The following MB21D2 variants were observed in gnomAD, a reference collection of about 807,000 sequenced individuals.
The protein encoded by MB21D2 is nucleotidyltransferase MB21D2.
MB21D2 carries 9 observed loss-of-function variants against 33.3 expected under a neutral mutation model. That is an observed-to-expected ratio of 0.27 (90% CI 0.16 to 0.47). MB21D2 has a LOEUF of 0.47. MB21D2 is among the 20% of genes least tolerant of loss of function. The pLI is 0.99. For missense variants in MB21D2, 540 were observed against 624.6 expected (o/e 0.86, Z 1.44); for synonymous variants, 241 against 236.3 (o/e 1.02, Z -0.18).
rs76218803 is a variant in MB21D2, at chr3:192,911,240, GT to G, written c.211+6389del. Among the ~76,000 whole-genome samples, 662 of 145,804 alleles carry G rather than the reference GT, an allele frequency of 4.5e-3. 2 individuals are homozygous for G. The highest frequency in any genetic ancestry group is 0.015 in the East Asian group (74 of 5,016). On this transcript the variant is annotated intron_variant, in intron 1 of 1. Coordinates refer to ENST00000392452, the MANE Select transcript of MB21D2 (RefSeq NM_178496.4). ...TTTTCTAATTCTAGGGTTCACCACA[GT>G]TTTTTTTTTTTAACCTCAAAGTGTA...
chr3:192,881,708 G>A (rs1234964800), intron 1 of MB21D2, among the ~76,000 whole-genome samples: 2 of 152,126 alleles, frequency 1.3e-5, no homozygotes. Context: ...AAGAAAGGAA[G>A]GCTTCTGGAG....
chr3:192,868,771 C>A (rs920085617), intron 1 of MB21D2, among the ~76,000 whole-genome samples: 5 of 152,112 alleles, frequency 3.3e-5, no homozygotes, highest in African/African-American at 1.2e-4. Context: ...TCTGTAAGTG[C>A]AACTCTTTCA....
At chr3:192,896,568 G>C (rs1366354415) in intron 1 of MB21D2, among the ~76,000 whole-genome samples, 2 of 152,112 alleles carry the variant, frequency 1.3e-5, no homozygotes, top group Non-Finnish European at 2.9e-5. Flanking sequence ...CTCCCTTCCA[G>C]ATCCACAAGG....
chr3:192,893,461 T>C (rs1392475284), intron 1 of MB21D2, among the ~76,000 whole-genome samples: 2 of 152,080 alleles, frequency 1.3e-5, no homozygotes, highest in East Asian at 3.9e-4. Context: ...ATTTCCTCAA[T>C]TTATAGTTGG....
chr3:192,845,288 G>C lies in MB21D2; in HGVS notation c.212-45638C>G, dbSNP rs76054620. Among the ~76,000 whole-genome samples the C allele has an allele frequency of 5.8e-3, 885 of 152,280 alleles. 8 individuals are homozygous for C. Among genetic ancestry groups the C allele is most frequent in the African/African-American group, 0.021 (853 of 41,560 alleles). On this transcript the variant is annotated intron_variant, in intron 1 of 1. Transcript: ENST00000392452. ...AAGTAAACTCCGACCGCTTTCATCA[G>C]TTACATGTCACAGGAAGGACAATGT... is the stretch of plus-strand genomic sequence containing the variant.
rs952898808 is a variant in MB21D2, at chr3:192,837,436, C to T, written c.212-37786G>A. On this transcript the variant is annotated intron_variant, in intron 1 of 1. Transcript: ENST00000392452. ...CCACCCCTGTCCCACCTGGGCTTCC[C>T]ACCAAGCACAAGACGCAGCTCAAGG... Among the ~76,000 whole-genome samples the T allele has an allele frequency of 2.3e-4, 35 of 152,204 alleles. 1 individual carries two copies. The highest frequency in any genetic ancestry group is 3.8e-4 in the Non-Finnish European group (26 of 68,046).
chr3:192,849,304 C>T (rs79605189), intron 1 of MB21D2, among the ~76,000 whole-genome samples: 152 of 106,116 alleles, frequency 1.4e-3, no homozygotes, highest in Non-Finnish European at 2.4e-3. Context: ...AAGTTTTTCA[C>T]GTCTCTTTTT....
intron 1 of MB21D2, among the ~76,000 whole-genome samples, chr3:192,869,660 C>G (rs977275555): frequency 7.2e-5 from 11 of 152,162 alleles, no homozygotes; most frequent in Admixed American, 7.2e-4. Flanking sequence ...TGAAAACCCC[C>G]CTTTCTCCTC....
chr3:192,864,149 C>A (rs1577187910), intron 1 of MB21D2, among the ~76,000 whole-genome samples: 1 of 152,152 alleles, frequency 6.6e-6, no homozygotes, highest in African/African-American at 2.4e-5. Context: ...TACATTTGTG[C>A]TAGATCTTTA....
chr3:192,837,063 C>T (rs1011625824), intron 1 of MB21D2, among the ~76,000 whole-genome samples: 4 of 152,102 alleles, frequency 2.6e-5, no homozygotes, highest in African/African-American at 9.7e-5. Flanking sequence ...ACCCATTTTA[C>T]ATCAGGATTA....
intron 1 of MB21D2, among the ~76,000 whole-genome samples, chr3:192,876,057 T>C (rs897227088): frequency 2.0e-5 from 3 of 152,204 alleles, no homozygotes; most frequent in African/African-American, 4.8e-5. Context: ...TAAAGGTCCC[T>C]TGCCAAACCA....
intron 1 of MB21D2, among the ~76,000 whole-genome samples, chr3:192,820,475 G>A (rs1413127994): frequency 1.3e-5 from 2 of 152,190 alleles, no homozygotes; most frequent in Non-Finnish European, 2.9e-5. Flanking sequence ...AAAATGATTA[G>A]AAAGAAAATA....
chr3:192,850,787 G>C (rs1018524255), intron 1 of MB21D2, among the ~76,000 whole-genome samples: 1 of 152,196 alleles, frequency 6.6e-6, no homozygotes, highest in Non-Finnish European at 1.5e-5. Context: ...ACAGCACACT[G>C]TAACAGACAC....
intron 1 of MB21D2, among the ~76,000 whole-genome samples, chr3:192,851,531 G>A (rs1000370176): frequency 8.8e-6 from 1 of 113,948 alleles, no homozygotes; most frequent in African/African-American, 3.5e-5. Flanking sequence ...GTCTCACTCT[G>A]TTGCCCAGGC....
intron 1 of MB21D2, among the ~76,000 whole-genome samples, chr3:192,898,490 A>G (rs1263094268): frequency 6.6e-6 from 1 of 152,242 alleles, no homozygotes; most frequent in Non-Finnish European, 1.5e-5. Flanking sequence ...GGAAGGAAAG[A>G]TAAGTTCCCA....
At chr3:192,882,375 C>CATTCAGTA (rs11281578) in intron 1 of MB21D2, among the ~76,000 whole-genome samples, 105,045 of 151,464 alleles carry the variant, frequency 0.69, 37,895 homozygotes, top group African/African-American at 0.91. Flanking sequence ...GCGCCCCGCA[C>CATTCAGTA]ATTATTAAAC....
intron 1 of MB21D2, among the ~76,000 whole-genome samples, chr3:192,830,747 G>GC (rs1255837047): frequency 6.6e-6 from 1 of 152,200 alleles, no homozygotes; most frequent in Non-Finnish European, 1.5e-5. Context: ...AGGAGCAAAG[G>GC]CATCATCTGC....
chr3:192,808,190 G>A (rs1004311893), intron 1 of MB21D2, among the ~76,000 whole-genome samples: 3 of 152,180 alleles, frequency 2.0e-5, no homozygotes, highest in Non-Finnish European at 2.9e-5. Context: ...ACCCATGAAA[G>A]AAAGCACGAT....
At chr3:192,865,998 T>C (rs1290127120) in intron 1 of MB21D2, among the ~76,000 whole-genome samples, 1 of 151,764 alleles carries the variant, frequency 6.6e-6, no homozygotes, top group African/African-American at 2.4e-5. Flanking sequence ...CAGTGAGCCA[T>C]GATTGTACCA....
Sources: gnomAD v4.1 joint callset for allele counts (sites outside exome capture counted in the v4.1 genomes callset) on GRCh38, gnomAD v4.1.1 for gene constraint, MANE v1.5 for transcripts, NCBI Gene and HGNC (gene_info 2026-07-23, HGNC 2026-07-21) for gene names.